The following ATG14 variants were observed in gnomAD, a reference collection of about 807,000 sequenced individuals.
The protein encoded by ATG14 is beclin 1-associated autophagy-related key regulator.
In ATG14, 35 loss-of-function variants were observed where a neutral mutation model predicts 60.4. That is an observed-to-expected ratio of 0.58 (90% CI 0.44 to 0.77). The LOEUF (loss-of-function observed/expected upper bound fraction) is 0.77, where lower values mean the gene tolerates loss of function less well. ATG14 is among the 30% of genes least tolerant of loss of function. The pLI is 0.00. For missense variants in ATG14, 647 were observed against 626.3 expected (o/e 1.03, Z -0.35); for synonymous variants, 234 against 228.8 (o/e 1.02, Z -0.21).
rs529058777 is a variant in ATG14, at chr14:55,404,751, C to G, written c.221+6851G>C. ...CAAAGATACAGCGCAATCTGTATAA[C>G]AAAATGGAATGTTTTTCTTTTCCGA... On this transcript the variant is annotated intron_variant, in intron 1 of 9. Transcript: ENST00000247178. 1.1e-4 allele frequency among the ~76,000 whole-genome samples: 16 copies of G among 152,198 alleles called. No individual in the cohort carries two copies. The Middle Eastern group carries it at 0.01, about 97-fold the overall frequency.
At chr14:55,383,596 ACC>A (rs370410344) in intron 5 of ATG14, among the ~76,000 whole-genome samples, 1,676 of 151,344 alleles carry the variant, frequency 0.011, 14 homozygotes, top group Middle Eastern at 0.027. Context: ...AACAAAAAAA[ACC>A]CCCAAGAACA....
intron 9 of ATG14, among the ~76,000 whole-genome samples, chr14:55,373,887 G>A (rs1263839218): frequency 1.3e-5 from 2 of 152,060 alleles, no homozygotes; most frequent in African/African-American, 4.8e-5. Context: ...TCCCACCCAG[G>A]TTCCATGAAC....
chr14:55,383,614 AAAT>A (rs1358435106), intron 5 of ATG14, among the ~76,000 whole-genome samples: 1 of 151,934 alleles, frequency 6.6e-6, no homozygotes, highest in Admixed American at 6.6e-5. Flanking sequence ...GAACAACAAA[AAAT>A]AACAAGCCCA....
intron 1 of ATG14, among the ~76,000 whole-genome samples, chr14:55,398,618 AG>A (rs557088001): frequency 0.015 from 2,155 of 142,430 alleles, 57 homozygotes; most frequent in African/African-American, 0.05. Flanking sequence ...ATTCTGATGT[AG>A]TTACAAAATA....
chr14:55,371,576 G>T (rs889712169), intron 9 of ATG14, among the ~76,000 whole-genome samples: 1 of 151,950 alleles, frequency 6.6e-6, no homozygotes, highest in Non-Finnish European at 1.5e-5. Flanking sequence ...GGAGGCTGCG[G>T]CGGGCAGATC....
chr14:55,411,501 G>C, intron 1 of ATG14, 101 bp downstream of exon 1: 1 of 1,161,454 alleles, frequency 8.6e-7, no homozygotes, highest in South Asian at 1.5e-5. Context: ...CCTCTCGCTG[G>C]TATCTGGTGC....
chr14:55,401,139 G>A (rs1473571548), intron 1 of ATG14, among the ~76,000 whole-genome samples: 3 of 151,890 alleles, frequency 2.0e-5, no homozygotes. Context: ...CTCCCTCTGA[G>A]AGATGGTTTG....
rs758263551 is a variant in ATG14, at chr14:55,411,598, G to T, written c.221+4C>A. The T allele has an allele frequency of 6.2e-7, 1 of 1,604,808 alleles. No homozygotes were observed. Among genetic ancestry groups the T allele is most frequent in the Non-Finnish European group, 8.5e-7 (1 of 1,176,540 alleles). On this transcript the variant is annotated splice_donor_region_variant and intron_variant, in intron 1 of 9. Transcript: ENST00000247178. ...AAACAATAGGGCCGTGGCGGCCGCC[G>T]TACCTCTCCCGGTCGCGGCCGTCGA...
chr14:55,384,663 A>G (rs1012408454), intron 5 of ATG14, among the ~76,000 whole-genome samples: 1 of 152,252 alleles, frequency 6.6e-6, no homozygotes, highest in African/African-American at 2.4e-5. Context: ...TAGGAAGCCA[A>G]CTCTGGCAAC....
At chr14:55,397,883 T>C (rs1885337271) in intron 1 of ATG14, among the ~76,000 whole-genome samples, 1 of 151,732 alleles carries the variant, frequency 6.6e-6, no homozygotes, top group South Asian at 2.1e-4. Flanking sequence ...CTAGTTATCA[T>C]AGGCTAAAAA....
In ATG14 at chr14:55,382,080, G is replaced by A. The variant is rs77083204; in HGVS notation, c.759C>T (p.Asp253=). The A allele has an allele frequency of 1.1e-3, 1,710 of 1,614,046 alleles. 14 individuals carry two copies. In the African/African-American group the frequency reaches 0.019, roughly 18 times the overall value. ...TAATGCTGGTGTCTCCGTTGTGATC[G>A]TCACAGACCCATCGTCCTGAGAGGT... ...TTYLSGRWVC[D]DHNGDTSISI... Residue 253 remains aspartate, a synonymous_variant, in exon 6 of 10, where the codon GAC becomes GAT. Transcript: ENST00000247178.
intron 9 of ATG14, among the ~76,000 whole-genome samples, chr14:55,375,490 A>AATTTTTTTTTTTTT (rs1555341540): frequency 2.5e-5 from 3 of 117,798 alleles, no homozygotes; most frequent in Non-Finnish European, 1.7e-5. Flanking sequence ...GCCGGGCTAA[A>AATTTTTTTTTTTTT]TTTTTTTTTT....
At chr14:55,409,367 T>A (rs908421364) in intron 1 of ATG14, among the ~76,000 whole-genome samples, 1 of 152,200 alleles carries the variant, frequency 6.6e-6, no homozygotes, top group Non-Finnish European at 1.5e-5. Context: ...TACAACAGTG[T>A]ATAAAAGAGA....
intron 4 of ATG14, among the ~76,000 whole-genome samples, chr14:55,387,380 T>TC (rs1442139249): frequency 5.3e-5 from 8 of 152,144 alleles, no homozygotes; most frequent in Non-Finnish European, 4.4e-5. Flanking sequence ...ACTCAGGCTA[T>TC]CTATTTGCTC....
chr14:55,394,890 A>G (rs1885286938), intron 3 of ATG14: 2 of 365,320 alleles, frequency 5.5e-6, no homozygotes, highest in Non-Finnish European at 1.1e-5. Flanking sequence ...ACTACTCAAT[A>G]TCCCACACTG....
intron 4 of ATG14, among the ~76,000 whole-genome samples, chr14:55,388,908 G>T (rs1479963174): frequency 4.6e-5 from 7 of 152,134 alleles, no homozygotes; most frequent in African/African-American, 1.7e-4. Flanking sequence ...AACCAGTCAT[G>T]ATGAGAGGAG....
At chr14:55,391,032 C>G (rs1194333153) in intron 3 of ATG14, 40 bp from the exon 4 acceptor site, 2 of 1,408,078 alleles carry the variant, frequency 1.4e-6, no homozygotes, top group African/African-American at 2.9e-5. Context: ...ACGTTGGTCT[C>G]TTATGGTTAA....
chr14:55,370,704 C>A (rs1884795626), intron 9 of ATG14, among the ~76,000 whole-genome samples: 2 of 151,882 alleles, frequency 1.3e-5, no homozygotes, highest in Non-Finnish European at 2.9e-5. Context: ...TGCAGTGGCG[C>A]CATCTTGGCT....
chr14:55,406,770 T>C (rs1330288649), intron 1 of ATG14, among the ~76,000 whole-genome samples: 1 of 152,178 alleles, frequency 6.6e-6, no homozygotes, highest in African/African-American at 2.4e-5. Context: ...GATGGAGAGT[T>C]AGGTGAAGCT....
Sources: gnomAD v4.1 joint callset for allele counts (sites outside exome capture counted in the v4.1 genomes callset) on GRCh38, gnomAD v4.1.1 for gene constraint, MANE v1.5 for transcripts, NCBI Gene and HGNC (gene_info 2026-07-23, HGNC 2026-07-21) for gene names.